The following CD53 variants were observed in gnomAD, a reference collection of about 807,000 sequenced individuals.
CD53 encodes the protein CD53 molecule.
In CD53, 20 loss-of-function variants were observed where a neutral mutation model predicts 27.3. That is an observed-to-expected ratio of 0.73 (90% CI 0.52 to 1.07). CD53 has a LOEUF of 1.07. Ranked by LOEUF, CD53 falls within the 50% of genes least tolerant of loss-of-function variation. The pLI, the probability that CD53 is intolerant of heterozygous loss-of-function variation, is 0.00. For synonymous variants in CD53, 106 were observed against 105.3 expected (o/e 1.01, Z -0.04); for missense variants, 216 against 264.0 (o/e 0.82, Z 1.26).
At chr1:110,893,060 T>C (rs2101061661) in intron 3 of CD53, among the ~76,000 whole-genome samples, 1 of 152,332 alleles carries the variant, frequency 6.6e-6, no homozygotes, top group East Asian at 1.9e-4. Flanking sequence ...ATGTGAGAGA[T>C]GCTACAGCCT....
upstream of CD53, among the ~76,000 whole-genome samples, chr1:110,871,225 G>A (rs1366364664): frequency 6.6e-6 from 1 of 152,178 alleles, no homozygotes; most frequent in Admixed American, 6.5e-5. Context: ...AACATCCAAG[G>A]TGGTCTTGAA....
At chr1:110,886,340 C>T (rs1268503304) in intron 1 of CD53, among the ~76,000 whole-genome samples, 2 of 151,958 alleles carry the variant, frequency 1.3e-5, no homozygotes, top group African/African-American at 4.8e-5. Flanking sequence ...GTGTAGCTTT[C>T]TTCATGTTTC....
At chr1:110,882,151 T>C (rs1369723734) in intron 1 of CD53, among the ~76,000 whole-genome samples, 2 of 152,178 alleles carry the variant, frequency 1.3e-5, no homozygotes, top group Non-Finnish European at 2.9e-5. Context: ...TATTGTGCTT[T>C]TGGTGTCTTA....
chr1:110,886,872 T>A (rs1237385158), intron 1 of CD53, among the ~76,000 whole-genome samples: 185 of 143,822 alleles, frequency 1.3e-3, no homozygotes, highest in South Asian at 2.6e-3. Flanking sequence ...TATATATATT[T>A]TTTTTTTCTG....
intron 3 of CD53, 103 bp downstream of exon 3, chr1:110,892,636 T>A: frequency 2.1e-6 from 2 of 967,214 alleles, no homozygotes; most frequent in Non-Finnish European, 1.6e-6. Flanking sequence ...AGAAAGATCA[T>A]AGGAAAATGA....
chr1:110,886,869 A>ATATATATATATATATATATATATAT (rs1298376721), intron 1 of CD53, among the ~76,000 whole-genome samples: 7 of 82,784 alleles, frequency 8.5e-5, no homozygotes, highest in East Asian at 6.7e-4. Flanking sequence ...ATATATATAT[A>ATATATATATATATATATATATATAT]TTTTTTTTTT....
rs1408615400 is a variant in CD53, at chr1:110,891,246, A to G, written c.-17-146A>G. The stretch of plus-strand genomic sequence containing the variant: ...GTTGGTATTTCAGTTTAGAACTAGG[A>G]AAGCGCAGAGTTTGGGGAAACTTTC... On this transcript the variant is annotated intron_variant, in intron 1 of 7. Transcript: ENST00000271324. 4.7e-6 allele frequency: 3 copies of G among 635,744 alleles called. No homozygotes were observed. The East Asian group carries it at 8.2e-5, about 17-fold the overall frequency. 39.4% of individuals were successfully genotyped at this position (635,744 alleles called of 1,614,324 possible).
At chr1:110,875,034 A>G (rs150914103) in intron 1 of CD53, among the ~76,000 whole-genome samples, 1 of 152,344 alleles carries the variant, frequency 6.6e-6, no homozygotes, top group East Asian at 1.9e-4. Context: ...CTTTTCTATA[A>G]TAGATGGAGA....
intron 6 of CD53, 109 bp downstream of exon 6, chr1:110,896,842 C>T: frequency 2.2e-6 from 2 of 928,748 alleles, no homozygotes; most frequent in Non-Finnish European, 3.3e-6. Flanking sequence ...AAACAGGGGA[C>T]CTTGAATAAA....
chr1:110,881,484 T>C (rs1656352344), intron 1 of CD53, among the ~76,000 whole-genome samples: 1 of 152,230 alleles, frequency 6.6e-6, no homozygotes, highest in East Asian at 1.9e-4. Context: ...TATACCACTA[T>C]TTATTTATAC....
intron 4 of CD53, 64 bp downstream of exon 4, chr1:110,894,465 G>T: frequency 3.2e-6 from 4 of 1,244,840 alleles, no homozygotes; most frequent in Non-Finnish European, 3.6e-6. Context: ...CAGTGGAGAA[G>T]TTGGTACAAA....
upstream of CD53, among the ~76,000 whole-genome samples, chr1:110,871,751 G>C (rs995525873): frequency 5.3e-5 from 8 of 151,508 alleles, no homozygotes; most frequent in African/African-American, 1.9e-4. Flanking sequence ...CCGAGGTGCA[G>C]AGACTTTTTA....
rs776706781 is a variant in CD53 at position 110,895,018 on chromosome 1, A to G, written c.386A>G (p.Asn129Ser). Residue 129 changes from asparagine (N) to serine (S), a missense_variant, in exon 5 of 8, where the codon AAT becomes AGT. Coordinates refer to ENST00000271324, the MANE Select transcript of CD53 (RefSeq NM_000560.4). ...AGCATCCACCGTTACCACTCAGACA[A>G]TAGCACCAAGGCAGCGTGGGACTCC... Reference protein sequence around the residue: ...TDSIHRYHSDNSTKAAWDSIQ... With the variant: ...TDSIHRYHSDSSTKAAWDSIQ... 6 of 1,614,048 alleles carry G rather than the reference A, an allele frequency of 3.7e-6. No homozygotes were observed. Among genetic ancestry groups the G allele is most frequent in the Non-Finnish European group, 5.1e-6 (6 of 1,179,926 alleles).
At chr1:110,889,157 T>G (rs565867502) in intron 1 of CD53, among the ~76,000 whole-genome samples, 1 of 152,204 alleles carries the variant, frequency 6.6e-6, no homozygotes, top group African/African-American at 2.4e-5. Flanking sequence ...TATTTATTCA[T>G]AGATGTGTCT....
intron 1 of CD53, among the ~76,000 whole-genome samples, chr1:110,888,383 G>C (rs1656713022): frequency 2.0e-5 from 3 of 152,082 alleles, no homozygotes; most frequent in Admixed American, 2.0e-4. Context: ...GCTCTGCCAG[G>C]CTCTCCCTCT....
rs1231723479 is a variant in CD53 at position 110,894,979 on chromosome 1, AG to A, written c.350del (p.Gly117ValfsTer2). 1 of 1,613,928 alleles carries A rather than the reference AG, an allele frequency of 6.2e-7. No homozygotes were observed. ...GCCCAGCTGAATGAGTATGTGGCTA[AG>A]GGTCTGACCGACAGCATCCACCGTT... ...YEQKLNEYVA[K>X]GLTDSIHRYH... On this transcript the variant is annotated frameshift_variant, in exon 5 of 8. Coordinates refer to ENST00000271324, the MANE Select transcript of CD53 (RefSeq NM_000560.4). LOFTEE classifies it high-confidence loss of function.
chr1:110,877,386 G>C (rs889004655), intron 1 of CD53, among the ~76,000 whole-genome samples: 2 of 152,138 alleles, frequency 1.3e-5, no homozygotes, highest in African/African-American at 4.8e-5. Flanking sequence ...TCTAGCCGAG[G>C]GACCCCGTAT....
At chr1:110,897,522 C>T (rs539888975) in intron 6 of CD53, 6 of 264,878 alleles carry the variant, frequency 2.3e-5, no homozygotes, top group Admixed American at 5.2e-5. Context: ...GACAGTAGGA[C>T]GTCGGTTGCT....
At chr1:110,896,585 C>T in intron 5 of CD53, 68 bp from the exon 6 acceptor site, 7 of 1,464,524 alleles carry the variant, frequency 4.8e-6, no homozygotes, top group Non-Finnish European at 6.7e-6. Context: ...ACCTTTTCCT[C>T]TAAGGTCCAC....
Sources: gnomAD v4.1 joint callset for allele counts (sites outside exome capture counted in the v4.1 genomes callset) on GRCh38, gnomAD v4.1.1 for gene constraint, MANE v1.5 for transcripts, NCBI Gene and HGNC (gene_info 2026-07-23, HGNC 2026-07-21) for gene names.